Variants in ARMC8 observed in about 807,000 individuals in gnomAD.
ARMC8 encodes the protein armadillo repeat-containing protein 8.
Under a neutral mutation model 99.3 loss-of-function variants are expected in ARMC8, and 20 were observed. That is an observed-to-expected ratio of 0.20 (90% CI 0.14 to 0.29). The LOEUF (loss-of-function observed/expected upper bound fraction) is 0.29. Among genes scored for constraint, ARMC8 ranks in the 10% least tolerant of loss-of-function variants. The pLI, the probability that ARMC8 is intolerant of heterozygous loss-of-function variation, is 1.00. For synonymous variants in ARMC8, 263 were observed against 278.3 expected (o/e 0.95, Z 0.55); for missense variants, 569 against 809.5 (o/e 0.70, Z 3.60).
rs992595779 is a variant in ARMC8, at chr3:138,297,087, A to G, written c.*1195A>G. ...CTGTTAGCTGTATTCAGCAAATTTC[A>G]TACTAGTTGCTCAGGACTGCTAGTT... On this transcript the variant is annotated 3_prime_UTR_variant, in exon 22 of 22. Transcript: ENST00000469044. 2.0e-5 allele frequency: 3 copies of G among 152,244 alleles called. No homozygotes were observed. The highest frequency in any genetic ancestry group is 7.2e-5 in the African/African-American group (3 of 41,470). The allele number at this position is 152,244 out of a possible 1,614,324, so 9.4% of individuals were successfully genotyped here. A position where few individuals can be genotyped will look rare whatever the true frequency, so the allele number is the denominator to read the frequency against.
intron 18 of ARMC8, among the ~76,000 whole-genome samples, chr3:138,278,281 C>T (rs1011498266): frequency 6.6e-6 from 1 of 151,846 alleles, no homozygotes; most frequent in African/African-American, 2.4e-5. Flanking sequence ...CTGAGGCAGG[C>T]GGATCACTTG....
chr3:138,191,077 G>A (rs1031845784), intron 1 of ARMC8, among the ~76,000 whole-genome samples: 5 of 152,172 alleles, frequency 3.3e-5, no homozygotes, highest in Non-Finnish European at 7.4e-5. Context: ...CAAGGCAAAG[G>A]GAACTGCTTT....
At position 138,284,474 on chromosome 3, in the gene ARMC8, A is replaced by C; in HGVS notation, c.1769A>C (p.Lys590Thr). The C allele has an allele frequency of 6.2e-7, 1 of 1,613,824 alleles. No individual in the cohort carries two copies. Among genetic ancestry groups the C allele is most frequent in the Non-Finnish European group, 8.5e-7 (1 of 1,179,734 alleles). The change falls in exon 19 of 22, where the codon AAA (lysine) becomes ACA (threonine). Residue 590 changes from lysine (K) to threonine (T), a missense_variant. By Grantham distance (78) the Lys-to-Thr change is moderately conservative. Coordinates refer to ENST00000469044, the MANE Select transcript of ARMC8 (RefSeq NM_001363941.2). The stretch of plus-strand genomic sequence containing the variant: ...AACATAGCGGATGGGACAACAGCAA[A>C]AGATCTTATTATGACCAATGATGAT... ...LANIADGTTA[K>T]DLIMTNDDIL...
intron 5 of ARMC8, among the ~76,000 whole-genome samples, chr3:138,227,053 C>T (rs1168804320): frequency 6.6e-6 from 1 of 152,172 alleles, no homozygotes; most frequent in African/African-American, 2.4e-5. Context: ...GTTTAAAAAG[C>T]TGTTTGAGCA....
At chr3:138,196,172 G>A (rs564943324) in intron 1 of ARMC8, among the ~76,000 whole-genome samples, 1 of 152,284 alleles carries the variant, frequency 6.6e-6, no homozygotes, top group East Asian at 1.9e-4. Context: ...GGAGACTAAG[G>A]AAAAGGAAAG....
chr3:138,243,906 G>A (rs936809862), intron 11 of ARMC8, among the ~76,000 whole-genome samples: 2 of 152,128 alleles, frequency 1.3e-5, no homozygotes, highest in Admixed American at 6.5e-5. Context: ...ACTTCTTTGG[G>A]AAAAGTGGTA....
At chr3:138,245,410 G>C in intron 12 of ARMC8, 1 of 1,378,316 alleles carries the variant, frequency 7.3e-7, no homozygotes, top group Non-Finnish European at 9.4e-7. Context: ...AATAACTGGC[G>C]TGCTTTTTTT....
rs2044570908 is a variant in ARMC8, at chr3:138,209,416, C to CA, written c.46-396dup. 3.9e-5 allele frequency among the ~76,000 whole-genome samples: 6 copies of CA among 152,068 alleles called. No individual in the cohort carries two copies. In the South Asian group the frequency reaches 1.2e-3, roughly 31 times the overall value. ...TCAGACTAATGTAATAAAGTATTTA[C>CA]AAAAATATACTTAATATCTTCCTGA... On this transcript the variant is annotated intron_variant, in intron 1 of 21. Coordinates refer to ENST00000469044, the MANE Select transcript of ARMC8 (RefSeq NM_001363941.2).
chr3:138,285,746 C>G (rs1243290927), intron 19 of ARMC8, among the ~76,000 whole-genome samples: 1 of 152,188 alleles, frequency 6.6e-6, no homozygotes, highest in African/African-American at 2.4e-5. Context: ...TTGTGCACAA[C>G]TGTATATCCA....
At position 138,187,560 on chromosome 3, in the gene ARMC8, G is replaced by T. The variant is rs1028828149; in HGVS notation, c.6G>T (p.Ala2=). The T allele has an allele frequency of 1.3e-6, 2 of 1,535,756 alleles. No individual in the cohort carries two copies. The highest frequency in any genetic ancestry group is 1.4e-5 in the African/African-American group (1 of 73,040). M[A]CLLETPIRMS... is the part of the protein sequence containing the mutation. ...GCCGGGTGGGAAGGCTCAAGATGGC[G>T]TGCTTGTTGGAGACCCCAATCCGCA... The change falls in exon 1 of 22, where the codon GCG becomes GCT. Residue 2 remains alanine (A), a synonymous_variant. Coordinates refer to ENST00000469044, the MANE Select transcript of ARMC8 (RefSeq NM_001363941.2).
chr3:138,188,673 T>A, intron 1 of ARMC8: 2 of 1,083,260 alleles, frequency 1.8e-6, no homozygotes, highest in Non-Finnish European at 2.8e-6. Context: ...TAGAGTCTTG[T>A]AACTACAACC....
chr3:138,188,776 T>C (rs1027060366), intron 1 of ARMC8, among the ~76,000 whole-genome samples: 2 of 152,242 alleles, frequency 1.3e-5, no homozygotes, highest in Non-Finnish European at 2.9e-5. Flanking sequence ...GTTAGAGCAG[T>C]GTGGCAGACC....
chr3:138,187,809 G>C, intron 1 of ARMC8: 1 of 562,712 alleles, frequency 1.8e-6, no homozygotes, highest in Non-Finnish European at 3.1e-6. Context: ...AACTCCGGGA[G>C]CTCCCGCCGG....
At chr3:138,292,628 G>C (rs2051074743) in intron 21 of ARMC8, among the ~76,000 whole-genome samples, 1 of 152,200 alleles carries the variant, frequency 6.6e-6, no homozygotes. Context: ...CATATACCAA[G>C]ATGGTGAGGA....
intron 19 of ARMC8, among the ~76,000 whole-genome samples, chr3:138,288,343 G>A (rs975290767): frequency 6.6e-6 from 1 of 152,222 alleles, no homozygotes; most frequent in Admixed American, 6.5e-5. Context: ...TTGGCTGTTG[G>A]TGACCTGGAA....
chr3:138,231,861 G>C (rs1323649858), intron 6 of ARMC8, among the ~76,000 whole-genome samples: 2 of 150,856 alleles, frequency 1.3e-5, no homozygotes, highest in African/African-American at 2.4e-5. Flanking sequence ...CCAGGTTCCT[G>C]CAGGTTGATT....
intron 14 of ARMC8, among the ~76,000 whole-genome samples, chr3:138,266,879 G>A (rs1197386141): frequency 6.6e-6 from 1 of 152,082 alleles, no homozygotes; most frequent in African/African-American, 2.4e-5. Flanking sequence ...TTTCACATAA[G>A]AGTATCTTCC....
At chr3:138,235,798 CTTTT>C (rs71146120) in intron 7 of ARMC8, among the ~76,000 whole-genome samples, 8 of 80,538 alleles carry the variant, frequency 9.9e-5, no homozygotes, top group African/African-American at 4.0e-4. Context: ...TCCTTTTAGT[CTTTT>C]TTTTTTTTTT....
chr3:138,229,399 A>C (rs2045922201), intron 6 of ARMC8, among the ~76,000 whole-genome samples: 1 of 143,370 alleles, frequency 7.0e-6, no homozygotes, highest in South Asian at 2.2e-4. Context: ...CCAGTCCTCT[A>C]TTGTGGAGCA....
Sources: allele counts gnomAD v4.1 joint callset (sites outside exome capture counted in the v4.1 genomes callset), GRCh38; gene constraint gnomAD v4.1.1; transcripts MANE v1.5; gene names NCBI Gene and HGNC (gene_info 2026-07-23, HGNC 2026-07-21).